The following WDR27 variants were observed in gnomAD, a reference collection of about 807,000 sequenced individuals.
WDR27 encodes WD repeat domain 27.
WDR27 carries 100 observed loss-of-function variants against 114.4 expected under a neutral mutation model. The observed-to-expected ratio is 0.87, with a 90% CI of 0.74 to 1.03. The LOEUF (loss-of-function observed/expected upper bound fraction) is 1.03. Among genes scored for constraint, WDR27 ranks in the 50% least tolerant of loss-of-function variants. The pLI is 0.00. For missense variants in WDR27, 1,129 were observed against 1,092.9 expected (o/e 1.03, Z -0.47); for synonymous variants, 449 against 423.1 (o/e 1.06, Z -0.75).
At chr6:169,694,134 C>T (rs1477003544) in intron 1 of WDR27, among the ~76,000 whole-genome samples, 4 of 152,024 alleles carry the variant, frequency 2.6e-5, no homozygotes, top group Admixed American at 6.6e-5. Context: ...ATGGTGAAAC[C>T]CCCTCTCTAC....
At chr6:169,427,947 C>T in the WDR27 span, among the ~76,000 whole-genome samples, 1 of 152,092 alleles carries the variant, frequency 6.6e-6, no homozygotes, top group African/African-American at 2.4e-5. Context: ...CCTTTCACAG[C>T]AGGCTTTCAG....
At chr6:169,614,954 G>A (rs1811444671) in intron 21 of WDR27, among the ~76,000 whole-genome samples, 1 of 151,972 alleles carries the variant, frequency 6.6e-6, no homozygotes, top group Admixed American at 6.6e-5. Context: ...GTAAAAAACT[G>A]AACAGAACAG....
intron 25 of WDR27, among the ~76,000 whole-genome samples, chr6:169,567,370 G>C (rs1427153575): frequency 2.0e-5 from 3 of 152,194 alleles, no homozygotes; most frequent in African/African-American, 4.8e-5. Flanking sequence ...TTGTGGAACT[G>C]ACTAGTTTAG....
chr6:169,502,091 C>T (rs1421261381), intron 25 of WDR27, among the ~76,000 whole-genome samples: 3 of 152,202 alleles, frequency 2.0e-5, no homozygotes, highest in African/African-American at 7.2e-5. Context: ...GGGCAGCCGC[C>T]CCGGGGCTGC....
At chr6:169,537,615 T>C (rs886666336) in intron 25 of WDR27, among the ~76,000 whole-genome samples, 25 of 152,062 alleles carry the variant, frequency 1.6e-4, no homozygotes, top group African/African-American at 5.8e-4. Context: ...AAGGACCAGA[T>C]GATGGGAGGT....
chr6:169,480,321 C>G (rs967958784), intron 25 of WDR27, among the ~76,000 whole-genome samples: 1 of 152,202 alleles, frequency 6.6e-6, no homozygotes, highest in East Asian at 1.9e-4. Context: ...AGCCCCACCC[C>G]TGCCACTCCC....
intron 13 of WDR27, among the ~76,000 whole-genome samples, chr6:169,653,096 C>T (rs1451544780): frequency 6.6e-6 from 1 of 152,180 alleles, no homozygotes; most frequent in African/African-American, 2.4e-5. Context: ...GAGCGGACCC[C>T]GTGGGTTGGA....
intron 25 of WDR27, among the ~76,000 whole-genome samples, chr6:169,511,670 A>C (rs1352339762): frequency 6.6e-6 from 1 of 152,044 alleles, no homozygotes; most frequent in Non-Finnish European, 1.5e-5. Flanking sequence ...ACAAAGCCTA[A>C]AATATTTACT....
chr6:169,518,446 A>G (rs1216804009), intron 25 of WDR27, among the ~76,000 whole-genome samples: 1 of 152,266 alleles, frequency 6.6e-6, no homozygotes, highest in Non-Finnish European at 1.5e-5. Flanking sequence ...GCCACATGGA[A>G]GCCACCAAGG....
intron 25 of WDR27, among the ~76,000 whole-genome samples, chr6:169,499,256 G>A (rs1184919573): frequency 6.6e-6 from 1 of 152,210 alleles, no homozygotes; most frequent in African/African-American, 2.4e-5. Flanking sequence ...TCAGCACCGA[G>A]GGTGCACAGC....
chr6:169,659,478 G>A lies in WDR27; in HGVS notation c.1170C>T (p.Ala390=), dbSNP rs1311180724. ...TTTGATCCGCAGTGCGGTTCCTCAG[G>A]GCACACGATCCGGCCAGCAGGATGC... The part of the protein sequence containing the change: ...SLSILLAGSC[A]LRNRTADQKV... Residue 390 remains alanine (A), a synonymous_variant, in exon 11 of 26, where the codon GCC becomes GCT. Coordinates refer to ENST00000448612, the MANE Select transcript of WDR27 (RefSeq NM_182552.5). This position sits in a 1 kb window ranked among gnomAD's most constrained non-coding sequence, Gnocchi z 4.3. 1 of 1,610,448 alleles carries A rather than the reference G, an allele frequency of 6.2e-7. No homozygotes were observed. The highest frequency in any genetic ancestry group is 1.1e-5 in the South Asian group (1 of 90,220).
Position 169,659,838 on chromosome 6 carries a change from A to T in WDR27, c.1130-320T>A, listed in dbSNP as rs1332904234. ...AGCCACATGTCCAGCACCAGATCAG[A>T]AAGGAAATGTGTAATTAGAGCTGTG... On this transcript the variant is annotated intron_variant, in intron 10 of 25. Transcript: ENST00000448612. This position sits in a 1 kb window ranked among gnomAD's most constrained non-coding sequence, Gnocchi z 4.3. 1.3e-5 allele frequency among the ~76,000 whole-genome samples: 2 copies of T among 151,992 alleles called. No individual in the cohort carries two copies. The highest frequency in any genetic ancestry group is 4.8e-5 in the African/African-American group (2 of 41,374).
chr6:169,663,780 C>A, intron 8 of WDR27: 1 of 195,498 alleles, frequency 5.1e-6, no homozygotes, highest in Non-Finnish European at 1.0e-5. Flanking sequence ...GATTCACAGG[C>A]CAGGTGGGGA....
intron 25 of WDR27, among the ~76,000 whole-genome samples, chr6:169,519,865 G>C (rs1235035725): frequency 2.6e-5 from 4 of 152,074 alleles, no homozygotes; most frequent in Non-Finnish European, 5.9e-5. Context: ...CCTCATCTGT[G>C]ATGGTTTTCC....
At chr6:169,653,852 A>G (rs1823268307) in intron 13 of WDR27, among the ~76,000 whole-genome samples, 2 of 152,262 alleles carry the variant, frequency 1.3e-5, no homozygotes, top group South Asian at 4.1e-4. Flanking sequence ...GTCCCTGGCC[A>G]CTATGCGAGC....
the WDR27 span, among the ~76,000 whole-genome samples, chr6:169,445,233 T>G: frequency 6.6e-6 from 1 of 152,170 alleles, no homozygotes; most frequent in Non-Finnish European, 1.5e-5. Flanking sequence ...AATTTGCTGG[T>G]TTTGTGTTGA....
At chr6:169,591,616 G>C (rs963876596) in intron 23 of WDR27, among the ~76,000 whole-genome samples, 24 of 152,244 alleles carry the variant, frequency 1.6e-4, no homozygotes, top group African/African-American at 5.8e-4. Flanking sequence ...TAGCTTTTTG[G>C]GGGGAGCATT....
At chr6:169,478,279 C>T (rs2115367106) in intron 25 of WDR27, among the ~76,000 whole-genome samples, 1 of 152,218 alleles carries the variant, frequency 6.6e-6, no homozygotes, top group South Asian at 2.1e-4. Flanking sequence ...TATCAATAAG[C>T]CTTCATTTAA....
intron 25 of WDR27, among the ~76,000 whole-genome samples, chr6:169,499,405 C>G (rs1277173770): frequency 1.3e-5 from 2 of 152,242 alleles, no homozygotes; most frequent in African/African-American, 4.8e-5. Context: ...GCACTTGCCC[C>G]AGCAGCCTCA....
Sources: allele counts gnomAD v4.1 joint callset (sites outside exome capture counted in the v4.1 genomes callset), GRCh38; gene constraint gnomAD v4.1.1; non-coding constraint Gnocchi (gnomAD v3.1); transcripts MANE v1.5; gene names NCBI Gene and HGNC (gene_info 2026-07-23, HGNC 2026-07-21).